Variants in TFB2M observed in about 807,000 individuals in gnomAD.
The protein encoded by TFB2M is dimethyladenosine transferase 2, mitochondrial.
A neutral mutation model predicts 41.3 loss-of-function variants in TFB2M; 44 were observed. The observed-to-expected ratio is 1.07, with a 90% CI of 0.84 to 1.37. The LOEUF (loss-of-function observed/expected upper bound fraction) is 1.37. TFB2M is among the 40% of genes most tolerant of loss of function. The pLI is 0.00. For synonymous variants in TFB2M, 188 were observed against 176.8 expected (o/e 1.06, Z -0.50); for missense variants, 496 against 490.2 (o/e 1.01, Z -0.11).
Position 246,542,898 on chromosome 1 carries a change from C to CT in TFB2M, c.1019+1622dup, listed in dbSNP as rs35984926. Among the ~76,000 whole-genome samples the CT allele has an allele frequency of 4.2e-3, 468 of 112,066 alleles. 7 individuals carry two copies. Among genetic ancestry groups the CT allele is most frequent in the African/African-American group, 9.1e-3 (249 of 27,466 alleles). 73.5% of individuals were successfully genotyped at this position (112,066 alleles called of 152,430 possible). On this transcript the variant is annotated intron_variant, in intron 7 of 7. Coordinates refer to ENST00000366514, the MANE Select transcript of TFB2M (RefSeq NM_022366.3). ...ATTGCCTTTTACTAGTCTATTACCA[C>CT]TTTTTTTTTTTTTTTTTTTTAGAGA...
intron 2 of TFB2M, among the ~76,000 whole-genome samples, chr1:246,560,592 G>A (rs1198884766): frequency 4.6e-5 from 7 of 152,170 alleles, no homozygotes. Context: ...TGTTCTGAGA[G>A]GGCACCATAC....
At chr1:246,564,579 C>G (rs1659547548) in intron 1 of TFB2M, 145 bp from the exon 2 acceptor site, 1 of 637,522 alleles carries the variant, frequency 1.6e-6, no homozygotes, top group Non-Finnish European at 2.7e-6. Context: ...CTCCTTTTTA[C>G]ATATAAGGAA....
In TFB2M at chr1:246,565,955, T is replaced by G; in HGVS notation, c.184A>C (p.Arg62=). 6.2e-7 allele frequency: 1 copy of G among 1,614,182 alleles called. No individual in the cohort carries two copies. ...TCTAAGCTGGCCTTAGACGCCTTCC[T>G]TGGCGGATTCCTGAAATCCGGTTCG... ...WPEPDFRNPP[R]KASKASLDFK... Residue 62 remains arginine (R), a synonymous_variant, in exon 1 of 8, where the codon AGG becomes CGG. Transcript: ENST00000366514.
At chr1:246,549,350 G>A (rs1031483576) in intron 5 of TFB2M, among the ~76,000 whole-genome samples, 1 of 152,212 alleles carries the variant, frequency 6.6e-6, no homozygotes. Context: ...GGGAGGCTGA[G>A]GGAGGAGGAC....
intron 1 of TFB2M, among the ~76,000 whole-genome samples, chr1:246,564,993 T>C (rs1165034575): frequency 6.6e-6 from 1 of 152,160 alleles, no homozygotes; most frequent in East Asian, 1.9e-4. Flanking sequence ...CTTGCACTCT[T>C]CATCACCATG....
Position 246,551,214 on chromosome 1 carries a change from A to G in TFB2M, c.794T>C (p.Met265Thr). 1 of 1,612,496 alleles carries G rather than the reference A, an allele frequency of 6.2e-7. No homozygotes were observed. Among genetic ancestry groups the G allele is most frequent in the South Asian group, 1.1e-5 (1 of 91,034 alleles). Residue 265 changes from methionine to threonine, a missense_variant and splice_region_variant, in exon 5 of 8, where the codon ATG becomes ACG. Coordinates refer to ENST00000366514, the MANE Select transcript of TFB2M (RefSeq NM_022366.3). ...QLACEIKVLH[M>T]EPWSSFDIYT... is the part of the protein sequence containing the mutation. Reference sequence around the variant, plus strand: ...TTTAAACAGAAGGATTTTACTCACCATGTGCAGAACCTTAATCTCACAAGC... The same window carrying G: ...TTTAAACAGAAGGATTTTACTCACCGTGTGCAGAACCTTAATCTCACAAGC...
In TFB2M at chr1:246,556,581, CT is replaced by C; in HGVS notation, c.696del (p.Glu233AsnfsTer5). 1 of 1,501,002 alleles carries C rather than the reference CT, an allele frequency of 6.7e-7. No homozygotes were observed. 93.0% of individuals were successfully genotyped at this position (1,501,002 alleles called of 1,614,324 possible). On this transcript the variant is annotated frameshift_variant, in exon 4 of 8. Coordinates refer to ENST00000366514, the MANE Select transcript of TFB2M (RefSeq NM_022366.3). LOFTEE classifies it high-confidence loss of function. ...ATTTGTTAATAACATACCTGGAATTCTTTTTCACCAATAAACATATTTACTT... is the reference window on the plus strand; with the variant it reads ...ATTTGTTAATAACATACCTGGAATTCTTTTCACCAATAAACATATTTACTT... ...RIEVNMFIGEKEFQKLMADPG... is the reference protein window; with the variant it reads ...RIEVNMFIGEXEFQKLMADPG...
At chr1:246,560,943 C>T (rs1412669406) in intron 2 of TFB2M, among the ~76,000 whole-genome samples, 8 of 152,122 alleles carry the variant, frequency 5.3e-5, no homozygotes, top group Admixed American at 3.9e-4. Flanking sequence ...AAAACCACGT[C>T]TCTACTAAAA....
Position 246,556,626 on chromosome 1 carries a change from A to G in TFB2M, c.652T>C (p.Tyr218His), listed in dbSNP as rs144457841. 1.4e-5 allele frequency: 22 copies of G among 1,561,034 alleles called. No homozygotes were observed. The highest frequency in any genetic ancestry group is 1.8e-5 in the Non-Finnish European group (21 of 1,156,654). ...TTTACTTCTATTCGTCCAAATTTAT[A>G]TATAGAAGTACAGGAATACAAGTCA... is the stretch of plus-strand genomic sequence containing the variant. ...AYDLYSCTSI[Y>H]KFGRIEVNMF... Residue 218 changes from tyrosine (Y) to histidine (H), a missense_variant, in exon 4 of 8, where the codon TAT becomes CAT. Tyr to His is a moderately conservative substitution (Grantham distance 83, BLOSUM62 2). Transcript: ENST00000366514.
intron 2 of TFB2M, among the ~76,000 whole-genome samples, chr1:246,559,259 T>C (rs3124072): frequency 0.22 from 33,001 of 152,050 alleles, 4,099 homozygotes; most frequent in Middle Eastern, 0.33. Flanking sequence ...CAAAATGTAG[T>C]AAATTTTGGC....
At position 246,549,575 on chromosome 1, in the gene TFB2M, C is replaced by T. The variant is rs191997536; in HGVS notation, c.796-968G>A. Among the ~76,000 whole-genome samples the T allele has an allele frequency of 6.1e-3, 924 of 152,040 alleles. 12 individuals carry two copies. Among genetic ancestry groups the T allele is most frequent in the African/African-American group, 0.021 (877 of 41,454 alleles). ...CCAACCTGGGCTGACAGAGTGAGATCGTGTCTCAAAATAAAAAACCGACCC... is the reference window on the plus strand; with the variant it reads ...CCAACCTGGGCTGACAGAGTGAGATTGTGTCTCAAAATAAAAAACCGACCC... On this transcript the variant is annotated intron_variant, in intron 5 of 7. Transcript: ENST00000366514.
intron 2 of TFB2M, among the ~76,000 whole-genome samples, chr1:246,558,554 C>G (rs1430898925): frequency 6.6e-6 from 1 of 152,172 alleles, no homozygotes; most frequent in Non-Finnish European, 1.5e-5. Flanking sequence ...GATTCTGACA[C>G]CATGGTTGGC....
At chr1:246,562,169 C>T (rs958647668) in intron 2 of TFB2M, among the ~76,000 whole-genome samples, 10 of 152,076 alleles carry the variant, frequency 6.6e-5, no homozygotes, top group Non-Finnish European at 1.5e-4. Context: ...ATTTGACAGA[C>T]ATTTTCACAA....
intron 6 of TFB2M, 101 bp from the exon 7 acceptor site, chr1:246,544,782 C>T: frequency 9.9e-7 from 1 of 1,015,018 alleles, no homozygotes; most frequent in Non-Finnish European, 1.4e-6. Context: ...GACACAATCA[C>T]CACAGGCCCT....
intron 2 of TFB2M, among the ~76,000 whole-genome samples, chr1:246,560,379 C>G (rs1659426950): frequency 6.6e-6 from 1 of 152,106 alleles, no homozygotes; most frequent in Non-Finnish European, 1.5e-5. Context: ...AAAAATCAGC[C>G]AGGTGTGGGG....
intron 7 of TFB2M, among the ~76,000 whole-genome samples, chr1:246,541,854 G>A (rs1658864505): frequency 6.6e-6 from 1 of 152,156 alleles, no homozygotes; most frequent in Non-Finnish European, 1.5e-5. Context: ...ACATTTTGAT[G>A]TAACCATCAT....
At position 246,557,462 on chromosome 1, in the gene TFB2M, C is replaced by A. The variant is rs763174764; in HGVS notation, c.475G>T (p.Gly159Cys). 1 of 1,613,618 alleles carries A rather than the reference C, an allele frequency of 6.2e-7. No homozygotes were observed. Among genetic ancestry groups the A allele is most frequent in the South Asian group, 1.1e-5 (1 of 90,980 alleles). Residue 159 changes from glycine (G) to cysteine (C), a missense_variant, in exon 3 of 8, where the codon GGT (glycine) becomes TGT (cysteine). Coordinates refer to ENST00000366514, the MANE Select transcript of TFB2M (RefSeq NM_022366.3). ...CDFFKLDPRS[G>C]GVIKPPAMSS... ...ATAGCAGGTGGTTTTATTACTCCAC[C>A]ACTTCTAGGATCTAGTTTAAAGAAG...
chr1:246,544,090 T>C (rs1195700931), intron 7 of TFB2M, among the ~76,000 whole-genome samples: 2 of 152,200 alleles, frequency 1.3e-5, no homozygotes, highest in East Asian at 1.9e-4. Flanking sequence ...AAACAAAATT[T>C]GATCCAGAGC....
intron 6 of TFB2M, among the ~76,000 whole-genome samples, chr1:246,548,001 C>T (rs982040350): frequency 1.4e-5 from 2 of 146,746 alleles, no homozygotes; most frequent in Non-Finnish European, 3.0e-5. Context: ...GGCTAGAGTG[C>T]AGTGGCACGA....
Sources: allele counts gnomAD v4.1 joint callset (sites outside exome capture counted in the v4.1 genomes callset), GRCh38; gene constraint gnomAD v4.1.1; transcripts MANE v1.5; gene names NCBI Gene and HGNC (gene_info 2026-07-23, HGNC 2026-07-21).